Variants in MITF observed in about 807,000 individuals in gnomAD.
MITF encodes the protein melanocyte inducing transcription factor, also known as microphthalmia-associated transcription factor.
In MITF, 17 loss-of-function variants were observed where a neutral mutation model predicts 60.5. That is an observed-to-expected ratio of 0.28 (90% CI 0.19 to 0.42). The LOEUF (loss-of-function observed/expected upper bound fraction) is 0.42, where lower values mean the gene tolerates loss of function less well. MITF is among the 10% of genes least tolerant of loss of function. The pLI is 1.00. For synonymous variants in MITF, 260 were observed against 248.5 expected (o/e 1.05, Z -0.43); for missense variants, 622 against 683.5 (o/e 0.91, Z 1.00).
At chr3:69,904,887 G>A (rs932940447) in intron 2 of MITF, among the ~76,000 whole-genome samples, 3 of 152,196 alleles carry the variant, frequency 2.0e-5, no homozygotes, top group African/African-American at 4.8e-5. Context: ...AGGAGTGTGA[G>A]ATGATGCATA....
chr3:69,893,507 G>A (rs1363463220), intron 2 of MITF, among the ~76,000 whole-genome samples: 1 of 152,034 alleles, frequency 6.6e-6, no homozygotes, highest in East Asian at 1.9e-4. Context: ...TGCTTGCAAA[G>A]CACTTAGCAC....
intron 1 of MITF, among the ~76,000 whole-genome samples, chr3:69,753,515 A>G (rs1049006023): frequency 1.3e-5 from 2 of 152,238 alleles, no homozygotes; most frequent in African/African-American, 4.8e-5. Context: ...TGGTAGATCT[A>G]CTGGCAACTT....
chr3:69,803,710 C>T (rs891340157), intron 1 of MITF, among the ~76,000 whole-genome samples: 5 of 152,114 alleles, frequency 3.3e-5, no homozygotes, highest in Admixed American at 6.5e-5. Flanking sequence ...CATCTCAAAA[C>T]GATACATCTA....
intron 6 of MITF, 109 bp downstream of exon 6, chr3:69,949,277 C>G (rs1315419824): frequency 6.1e-6 from 5 of 816,286 alleles, no homozygotes; most frequent in Non-Finnish European, 1.1e-5. Flanking sequence ...ATGGACGTAA[C>G]TTTTATAGGT....
At chr3:69,779,207 AT>A (rs1286927414) in intron 1 of MITF, among the ~76,000 whole-genome samples, 1 of 152,188 alleles carries the variant, frequency 6.6e-6, no homozygotes, top group African/African-American at 2.4e-5. Context: ...GGAAAGAGAC[AT>A]CTCAAGGTGT....
chr3:69,861,596 G>A (rs755722066), intron 1 of MITF, among the ~76,000 whole-genome samples: 51 of 152,172 alleles, frequency 3.4e-4, no homozygotes, highest in Non-Finnish European at 6.5e-4. Flanking sequence ...CTAGCATTCT[G>A]TCCTCCCTGT....
intron 1 of MITF, among the ~76,000 whole-genome samples, chr3:69,830,375 C>T (rs557137261): frequency 1.1e-4 from 17 of 152,234 alleles, no homozygotes; most frequent in South Asian, 6.2e-4. Context: ...CCTGCTACCA[C>T]GCACAGAGCT....
intron 5 of MITF, 98 bp downstream of exon 5, chr3:69,941,429 T>G: frequency 1.4e-6 from 1 of 725,308 alleles, no homozygotes; most frequent in Non-Finnish European, 2.4e-6. Flanking sequence ...ACTGGTTCAC[T>G]GATTAAATGT....
At chr3:69,942,270 A>G (rs546269009) in intron 5 of MITF, among the ~76,000 whole-genome samples, 1 of 152,188 alleles carries the variant, frequency 6.6e-6, no homozygotes, top group African/African-American at 2.4e-5. Context: ...GTGAACATAC[A>G]TAACACTACT....
chr3:69,925,940 A>T (rs1031447612), intron 2 of MITF, among the ~76,000 whole-genome samples: 1 of 151,670 alleles, frequency 6.6e-6, no homozygotes, highest in Non-Finnish European at 1.5e-5. Flanking sequence ...TTGGTTCATT[A>T]CTCTGTGTTT....
intron 1 of MITF, among the ~76,000 whole-genome samples, chr3:69,787,064 C>T (rs1026082056): frequency 1.3e-5 from 2 of 152,150 alleles, no homozygotes; most frequent in African/African-American, 2.4e-5. Flanking sequence ...TATTCTCTCC[C>T]GCATGTGGTG....
At chr3:69,875,290 C>T (rs1242368019) in intron 1 of MITF, among the ~76,000 whole-genome samples, 2 of 152,154 alleles carry the variant, frequency 1.3e-5, no homozygotes, top group African/African-American at 2.4e-5. Flanking sequence ...CTCTGCCCAT[C>T]GGCTTTCAAA....
intron 1 of MITF, among the ~76,000 whole-genome samples, chr3:69,790,566 T>A (rs528068771): frequency 6.6e-6 from 1 of 152,362 alleles, no homozygotes; most frequent in East Asian, 1.9e-4. Context: ...TCATTGAGTA[T>A]TTCAACATCT....
intron 1 of MITF, among the ~76,000 whole-genome samples, chr3:69,785,487 G>C (rs1258307463): frequency 2.6e-5 from 4 of 152,202 alleles, no homozygotes; most frequent in Non-Finnish European, 5.9e-5. Flanking sequence ...CTTGAATGCT[G>C]ATTGCTTGGG....
At chr3:69,800,958 A>G (rs1201543387) in intron 1 of MITF, among the ~76,000 whole-genome samples, 9 of 152,164 alleles carry the variant, frequency 5.9e-5, no homozygotes, top group Non-Finnish European at 1.5e-5. Context: ...ATTCTTATGT[A>G]TAAATTATAG....
At chr3:69,848,980 T>C (rs998067820) in intron 1 of MITF, among the ~76,000 whole-genome samples, 5 of 144,280 alleles carry the variant, frequency 3.5e-5, no homozygotes, top group African/African-American at 1.0e-4. Flanking sequence ...TTTTTTTTTT[T>C]TTGAGACGGA....
chr3:69,956,828 T>A (rs1419598814), intron 8 of MITF, among the ~76,000 whole-genome samples: 4 of 152,122 alleles, frequency 2.6e-5, no homozygotes, highest in Admixed American at 6.6e-5. Flanking sequence ...TTAAAAAAAA[T>A]TTCCTTTAAT....
intron 1 of MITF, among the ~76,000 whole-genome samples, chr3:69,779,836 A>T (rs981019190): frequency 6.6e-6 from 1 of 152,168 alleles, no homozygotes; most frequent in Admixed American, 6.6e-5. Context: ...CACAACCGGT[A>T]AATCAACTGA....
chr3:69,848,551 AAC>A (rs758394110), intron 1 of MITF, among the ~76,000 whole-genome samples: 3 of 152,238 alleles, frequency 2.0e-5, no homozygotes, highest in East Asian at 3.8e-4. Context: ...GATTACTGAA[AAC>A]ACAATGAAGA....
Sources: gnomAD v4.1 joint callset for allele counts (sites outside exome capture counted in the v4.1 genomes callset) on GRCh38, gnomAD v4.1.1 for gene constraint, MANE v1.5 for transcripts, NCBI Gene and HGNC (gene_info 2026-07-23, HGNC 2026-07-21) for gene names.